The following LRRC23 variants were observed in gnomAD, a reference collection of about 807,000 sequenced individuals.
LRRC23 encodes the protein leucine rich repeat containing 23.
A neutral mutation model predicts 37.7 loss-of-function variants in LRRC23; 28 were observed. The observed-to-expected ratio is 0.74, with a 90% CI of 0.55 to 1.02. The LOEUF (loss-of-function observed/expected upper bound fraction) is 1.02, where lower values mean the gene tolerates loss of function less well. LRRC23 is among the 50% of genes least tolerant of loss of function. LRRC23 has a pLI of 0.00. For synonymous variants in LRRC23, 161 were observed against 165.4 expected (o/e 0.97, Z 0.20); for missense variants, 377 against 413.2 (o/e 0.91, Z 0.76).
intron 5 of LRRC23, among the ~76,000 whole-genome samples, chr12:6,908,426 G>A: frequency 6.6e-6 from 1 of 151,678 alleles, no homozygotes; most frequent in South Asian, 2.1e-4. Context: ...GCGAAACTCT[G>A]TCTCTACTAA....
At chr12:6,907,222 G>T in intron 4 of LRRC23, 93 bp from the exon 5 acceptor site, 1 of 1,483,810 alleles carries the variant, frequency 6.7e-7, no homozygotes, top group South Asian at 1.2e-5. Context: ...CCTGCTTTGC[G>T]AATGGTAGGA....
In LRRC23 at chr12:6,913,959, A is replaced by G. The variant is rs710415; in HGVS notation, c.*93A>G. ...GGCAGCCACCACATGTATGACAGAG[A>G]ACAGAGGATGCCTGTTTTTGCCCCA... is the stretch of plus-strand genomic sequence containing the variant. On this transcript the variant is annotated 3_prime_UTR_variant, in exon 8 of 8. Coordinates refer to ENST00000443597, the MANE Select transcript of LRRC23 (RefSeq NM_001135217.2). 504,624 of 1,613,016 alleles carry G rather than the reference A, an allele frequency of 0.31. 87,982 individuals carry two copies. The highest frequency in any genetic ancestry group is 0.73 in the African/African-American group (54,967 of 74,868).
In LRRC23 at chr12:6,906,531, C is replaced by T; in HGVS notation, c.359C>T (p.Ala120Val). 6.2e-7 allele frequency: 1 copy of T among 1,614,206 alleles called. No homozygotes were observed. The highest frequency in any genetic ancestry group is 1.1e-5 in the South Asian group (1 of 91,080). Residue 120 changes from alanine to valine, a missense_variant, in exon 4 of 8, where the codon GCT becomes GTT. Coordinates refer to ENST00000443597, the MANE Select transcript of LRRC23 (RefSeq NM_001135217.2). ...NYLTHLLWLK[A>V]DGNRLRSAQM... ...CTCACCCACCTGCTCTGGCTCAAGG[C>T]TGATGGCAATCGGCTGCGAAGTGCC...
At chr12:6,911,582 A>G (rs1412459433) in intron 6 of LRRC23, among the ~76,000 whole-genome samples, 2 of 152,140 alleles carry the variant, frequency 1.3e-5, no homozygotes, top group Admixed American at 6.5e-5. Flanking sequence ...GCATCCAACA[A>G]TGTATGGCAG....
Position 6,905,721 on chromosome 12 carries a change from G to A in LRRC23, c.88G>A (p.Glu30Lys). The A allele has an allele frequency of 1.2e-6, 2 of 1,612,692 alleles. No homozygotes were observed. The change falls in exon 2 of 8, where the codon GAG becomes AAG. Residue 30 changes from glutamate to lysine, a missense_variant. Glu to Lys is a moderately conservative substitution (Grantham distance 56). Transcript: ENST00000443597. ...EEDEKETEEG[E>K]DYRKEGEEFP... ...GGACGAGAAGGAGACAGAGGAGGGG[G>A]AGGACTACAGAAAAGAGGGGGAAGA...
intron 5 of LRRC23, 83 bp from the exon 6 acceptor site, chr12:6,909,807 C>T: frequency 7.3e-7 from 1 of 1,360,668 alleles, no homozygotes; most frequent in South Asian, 1.3e-5. Context: ...TGGATTTCCT[C>T]TTTTGCTTTA....
At chr12:6,905,422 AGT>A (rs1308003614) in intron 1 of LRRC23, among the ~76,000 whole-genome samples, 161 bp from the exon 2 acceptor site, 1 of 151,980 alleles carries the variant, frequency 6.6e-6, no homozygotes, top group Non-Finnish European at 1.5e-5. Flanking sequence ...CTCAGTGGAA[AGT>A]GTGAAGTGGG....
intron 5 of LRRC23, 45 bp from the exon 6 acceptor site, chr12:6,909,845 A>G: frequency 1.3e-6 from 2 of 1,565,232 alleles, no homozygotes; most frequent in Non-Finnish European, 1.7e-6. Flanking sequence ...TTTCTTCCCT[A>G]TCCCTGCTCC....
chr12:6,907,784 A>G (rs781851956), intron 5 of LRRC23: 5 of 518,564 alleles, frequency 9.6e-6, no homozygotes, highest in Non-Finnish European at 1.4e-5. Flanking sequence ...CCACCACAAC[A>G]ATCATCAACA....
chr12:6,912,254 A>T (rs1241519556), intron 6 of LRRC23, among the ~76,000 whole-genome samples: 1 of 152,056 alleles, frequency 6.6e-6, no homozygotes, highest in African/African-American at 2.4e-5. Context: ...GGGTCAAGCA[A>T]TCCCTCCTCC....
Position 6,907,452 on chromosome 12 carries a change from C to T in LRRC23, c.621+7C>T, listed in dbSNP as rs376586732. On this transcript the variant is annotated splice_region_variant and intron_variant, in intron 5 of 7. Coordinates refer to ENST00000443597, the MANE Select transcript of LRRC23 (RefSeq NM_001135217.2). The stretch of plus-strand genomic sequence containing the variant: ...GCTGAAGAACCTCTACCTGGTAGCT[C>T]ACTGGGTCAGAGGGTGGTGCAGGGA... 1 of 1,614,006 alleles carries T rather than the reference C, an allele frequency of 6.2e-7. No homozygotes were observed. The highest frequency in any genetic ancestry group is 1.1e-5 in the South Asian group (1 of 91,078).
intron 7 of LRRC23, among the ~76,000 whole-genome samples, chr12:6,913,582 T>TTTTTTTG: frequency 2.1e-5 from 3 of 141,184 alleles, no homozygotes; most frequent in Non-Finnish European, 3.0e-5. Flanking sequence ...TTTTTTTTTT[T>TTTTTTTG]TGCGAGGTAG....
At chr12:6,911,264 G>C (rs1945153696) in intron 6 of LRRC23, among the ~76,000 whole-genome samples, 1 of 152,284 alleles carries the variant, frequency 6.6e-6, no homozygotes, top group East Asian at 1.9e-4. Context: ...TCTTTCCTTA[G>C]TCAACAAGAC....
At chr12:6,909,819 C>T (rs1476041153) in intron 5 of LRRC23, 71 bp from the exon 6 acceptor site, 4 of 1,451,184 alleles carry the variant, frequency 2.8e-6, no homozygotes, top group Non-Finnish European at 3.8e-6. Context: ...TTTGCTTTAT[C>T]TCATTCTGAC....
Position 6,913,917 on chromosome 12 carries a change from C to G in LRRC23, c.*51C>G. ...AGATCAAAGACGCTGGCCTTCAGAC[C>G]TGATCAGACTCCCAGGGGCAGCCAC... On this transcript the variant is annotated 3_prime_UTR_variant, in exon 8 of 8. Coordinates refer to ENST00000443597, the MANE Select transcript of LRRC23 (RefSeq NM_001135217.2). 1.9e-6 allele frequency: 3 copies of G among 1,607,022 alleles called. No individual in the cohort carries two copies. The highest frequency in any genetic ancestry group is 2.5e-6 in the Non-Finnish European group (3 of 1,176,860).
chr12:6,905,524 C>T, intron 1 of LRRC23, 61 bp from the exon 2 acceptor site: 1 of 1,040,658 alleles, frequency 9.6e-7, no homozygotes, highest in Non-Finnish European at 1.5e-6. Flanking sequence ...GGGAGTGGCA[C>T]GTGTCAATGA....
intron 5 of LRRC23, among the ~76,000 whole-genome samples, chr12:6,908,220 T>C (rs1336104785): frequency 4.6e-5 from 7 of 152,072 alleles, no homozygotes; most frequent in Non-Finnish European, 7.4e-5. Flanking sequence ...GACCCAGTCC[T>C]CTTGGCTTTT....
In LRRC23 at chr12:6,914,199, T is replaced by A. The variant is rs938578152; in HGVS notation, c.*333T>A. 3.8e-6 allele frequency: 3 copies of A among 789,494 alleles called. No individual in the cohort carries two copies. In the African/African-American group the frequency reaches 5.3e-5, roughly 14 times the overall value. The allele number at this position is 789,494 out of a possible 1,614,324, so 48.9% of individuals were successfully genotyped here. On this transcript the variant is annotated 3_prime_UTR_variant, in exon 8 of 8. Transcript: ENST00000443597. The surrounding 1 kb of genome is among the most constrained non-coding windows in gnomAD (Gnocchi z 7.1). ...GAGACTTGCGAAGGCGGCTGGGGTG[T>A]TCGGATTTCCAATAAAGAAACAGAG... is the stretch of plus-strand genomic sequence containing the variant.
rs555542854 is a variant in LRRC23 at position 6,907,891 on chromosome 12, G to T, written c.621+446G>T. ...TCTAATTCGATTCACTGTCTACCTG[G>T]GGATGGCATCAAATCCCACAGATTG... On this transcript the variant is annotated intron_variant, in intron 5 of 7. Transcript: ENST00000443597. Among the ~76,000 whole-genome samples, 6 of 152,102 alleles carry T rather than the reference G, an allele frequency of 3.9e-5. No homozygotes were observed. The South Asian group carries it at 1.0e-3, about 26-fold the overall frequency.
Sources: allele counts gnomAD v4.1 joint callset (sites outside exome capture counted in the v4.1 genomes callset), GRCh38; gene constraint gnomAD v4.1.1; non-coding constraint Gnocchi (gnomAD v3.1); transcripts MANE v1.5; gene names NCBI Gene and HGNC (gene_info 2026-07-23, HGNC 2026-07-21).